Variants in THUMPD2 observed in about 807,000 individuals in gnomAD.
THUMPD2 encodes the protein U6 snRNA (guanine-N(2))-methyltransferase THUMPD2.
Under a neutral mutation model 49.4 loss-of-function variants are expected in THUMPD2, and 56 were observed. The observed-to-expected ratio is 1.13, with a 90% CI of 0.91 to 1.41. The LOEUF (loss-of-function observed/expected upper bound fraction) is 1.41. THUMPD2 is among the 40% of genes most tolerant of loss of function. THUMPD2 has a pLI of 0.00. For synonymous variants in THUMPD2, 237 were observed against 205.2 expected (o/e 1.15, Z -1.32); for missense variants, 709 against 594.5 (o/e 1.19, Z -2.00).
intron 5 of THUMPD2, 52 bp from the exon 6 acceptor site, chr2:39,761,470 A>T (rs776742330): frequency 6.6e-7 from 1 of 1,522,162 alleles, no homozygotes; most frequent in East Asian, 2.3e-5. Context: ...ACAACAAGAT[A>T]TAAAAATGAT....
intron 1 of THUMPD2, among the ~76,000 whole-genome samples, chr2:39,776,718 T>C (rs1251741049): frequency 6.6e-6 from 1 of 152,192 alleles, no homozygotes; most frequent in African/African-American, 2.4e-5. Context: ...TTGTTTACTT[T>C]TGTATATTTT....
At chr2:39,755,188 T>TA (rs756365924) in intron 8 of THUMPD2, 107 bp downstream of exon 8, 3 of 663,390 alleles carry the variant, frequency 4.5e-6, no homozygotes, top group South Asian at 2.3e-5. Flanking sequence ...ACAGATATAT[T>TA]AAAGGGTAAA....
intron 5 of THUMPD2, 74 bp from the exon 6 acceptor site, chr2:39,761,492 A>T: frequency 7.6e-7 from 1 of 1,316,040 alleles, no homozygotes; most frequent in Non-Finnish European, 1.1e-6. Flanking sequence ...TACCTGTCCA[A>T]ATCTGAGAAT....
intron 6 of THUMPD2, among the ~76,000 whole-genome samples, chr2:39,760,337 C>A (rs943638079): frequency 6.6e-6 from 1 of 152,004 alleles, no homozygotes; most frequent in African/African-American, 2.4e-5. Flanking sequence ...AGTTGATGTT[C>A]TGTTTTAAAT....
At chr2:39,750,477 C>A (rs548675804) in intron 8 of THUMPD2, among the ~76,000 whole-genome samples, 41 of 152,038 alleles carry the variant, frequency 2.7e-4, no homozygotes, top group Non-Finnish European at 4.7e-4. Context: ...TAGGCCAAGG[C>A]GGGTGGATTG....
intron 9 of THUMPD2, among the ~76,000 whole-genome samples, chr2:39,739,353 T>C (rs1673582193): frequency 6.6e-6 from 1 of 152,208 alleles, no homozygotes; most frequent in African/African-American, 2.4e-5. Context: ...ACATTTGGAA[T>C]TGCTGTTCAC....
intron 1 of THUMPD2, among the ~76,000 whole-genome samples, chr2:39,771,873 G>A (rs1000476975): frequency 2.0e-5 from 3 of 152,162 alleles, no homozygotes; most frequent in Non-Finnish European, 4.4e-5. Flanking sequence ...AAGGTATAAT[G>A]TATTGGACAA....
chr2:39,777,109 C>T (rs10169390), intron 1 of THUMPD2, among the ~76,000 whole-genome samples: 65,116 of 152,034 alleles, frequency 0.43, 15,341 homozygotes, highest in East Asian at 0.81. Context: ...TCCTGTACAA[C>T]TCATTGTATG....
At chr2:39,775,677 C>T (rs181684824) in intron 1 of THUMPD2, among the ~76,000 whole-genome samples, 5 of 145,532 alleles carry the variant, frequency 3.4e-5, no homozygotes, top group Non-Finnish European at 4.5e-5. Context: ...GCAGGAGAAT[C>T]GCTTGAACCC....
intron 6 of THUMPD2, chr2:39,757,463 G>A: frequency 8.1e-7 from 1 of 1,232,182 alleles, no homozygotes; most frequent in Non-Finnish European, 1.1e-6. Context: ...CCATGAAGGG[G>A]CAGTAAGGAG....
At chr2:39,757,165 G>C in intron 6 of THUMPD2, 1 of 344,984 alleles carries the variant, frequency 2.9e-6, no homozygotes, top group Non-Finnish European at 5.8e-6. Context: ...GATGGCATGT[G>C]CTTCAAAGGC....
Position 39,736,974 on chromosome 2 carries a change from G to C in THUMPD2, c.1273C>G (p.Pro425Ala). Reference protein sequence around the residue: ...RLTDCKESNIPFNSKDSHTDE... With the variant: ...RLTDCKESNIAFNSKDSHTDE... ...GTGTGACTGTCCTTGGAATTGAAAG[G>C]GATGTTGCTCTCTTTACAATCTGTA... Residue 425 changes from proline to alanine, a missense_variant, in exon 10 of 10, where the codon CCT becomes GCT. Transcript: ENST00000505747. 4 of 1,614,008 alleles carry C rather than the reference G, an allele frequency of 2.5e-6. No homozygotes were observed. Among genetic ancestry groups the C allele is most frequent in the Non-Finnish European group, 3.4e-6 (4 of 1,179,988 alleles).
At chr2:39,761,308 A>G (rs764837190) in intron 6 of THUMPD2, 23 bp downstream of exon 6, 19 of 1,606,870 alleles carry the variant, frequency 1.2e-5, no homozygotes, top group Non-Finnish European at 1.5e-5. Context: ...TGCTATTAAC[A>G]GGAAGGAAAA....
At chr2:39,737,158 T>G in intron 9 of THUMPD2, 99 bp from the exon 10 acceptor site, 1 of 1,134,454 alleles carries the variant, frequency 8.8e-7, no homozygotes, top group South Asian at 1.7e-5. Flanking sequence ...ATTTGAAATT[T>G]AATTTTATCC....
intron 1 of THUMPD2, among the ~76,000 whole-genome samples, chr2:39,777,696 C>G (rs1319899868): frequency 3.3e-5 from 5 of 152,190 alleles, no homozygotes; most frequent in African/African-American, 1.2e-4. Flanking sequence ...ACCTATCTAT[C>G]TTTCAAACAT....
At chr2:39,778,722 C>T (rs1266305186) in intron 1 of THUMPD2, among the ~76,000 whole-genome samples, 1 of 152,206 alleles carries the variant, frequency 6.6e-6, no homozygotes, top group Non-Finnish European at 1.5e-5. Context: ...AATACAATCA[C>T]TGTCAAGAAA....
chr2:39,763,780 C>T (rs1369510415), intron 5 of THUMPD2, among the ~76,000 whole-genome samples: 1 of 152,160 alleles, frequency 6.6e-6, no homozygotes, highest in Non-Finnish European at 1.5e-5. Flanking sequence ...AGCTGTTTAA[C>T]ATATTTACAA....
intron 8 of THUMPD2, among the ~76,000 whole-genome samples, chr2:39,750,724 T>C (rs1211616852): frequency 6.6e-6 from 1 of 152,040 alleles, no homozygotes; most frequent in African/African-American, 2.4e-5. Context: ...CAAAAAAAAA[T>C]TGTTTAAGAA....
chr2:39,754,161 T>A (rs1337559164), intron 8 of THUMPD2, among the ~76,000 whole-genome samples: 1 of 152,180 alleles, frequency 6.6e-6, no homozygotes, highest in African/African-American at 2.4e-5. Flanking sequence ...TGGAACAATT[T>A]AGGAACCAAT....
Sources: gnomAD v4.1 joint callset for allele counts (sites outside exome capture counted in the v4.1 genomes callset) on GRCh38, gnomAD v4.1.1 for gene constraint, MANE v1.5 for transcripts, NCBI Gene and HGNC (gene_info 2026-07-23, HGNC 2026-07-21) for gene names.